The following LPAR3 variants were observed in gnomAD, a reference collection of about 807,000 sequenced individuals.
The protein encoded by LPAR3 is LPA receptor 3.
LPAR3 carries 7 observed loss-of-function variants against 17.8 expected under a neutral mutation model. That is an observed-to-expected ratio of 0.39 (90% confidence interval 0.22 to 0.74). The LOEUF is 0.74. Among genes scored for constraint, LPAR3 ranks in the 30% least tolerant of loss-of-function variants. LPAR3 has a pLI of 0.40. For missense variants in LPAR3, 391 were observed against 453.4 expected, an observed-to-expected ratio of 0.86 and a Z score of 1.25; for synonymous variants, 179 against 179.9, an observed-to-expected ratio of 0.99 and a Z score of 0.04.
chr1:84,843,761 T>C (rs1659550352), intron 2 of LPAR3, among the ~76,000 whole-genome samples: 1 of 152,248 alleles, frequency 6.6e-6, no homozygotes, highest in African/African-American at 2.4e-5. Context: ...TCCTCTCCGG[T>C]AAATCAAAAG....
intron 2 of LPAR3, among the ~76,000 whole-genome samples, chr1:84,855,346 C>A (rs1659796874): frequency 6.6e-6 from 1 of 152,138 alleles, no homozygotes; most frequent in Non-Finnish European, 1.5e-5. Flanking sequence ...CAGACGATGA[C>A]CACATTTCTC....
At chr1:84,827,221 C>CA (rs1428091336) in intron 2 of LPAR3, among the ~76,000 whole-genome samples, 1 of 152,064 alleles carries the variant, frequency 6.6e-6, no homozygotes, top group East Asian at 1.9e-4. Flanking sequence ...TATTAAATCA[C>CA]AAAAAGCACA....
chr1:84,850,393 C>CAAAAAA (rs561506398), intron 2 of LPAR3, among the ~76,000 whole-genome samples: 819 of 33,518 alleles, frequency 0.024, no homozygotes, highest in Middle Eastern at 0.066. Context: ...TCTGTCTCTA[C>CAAAAAA]AAAAAAAAAA....
At chr1:84,816,902 C>T (rs2102743440) in intron 2 of LPAR3, among the ~76,000 whole-genome samples, 1 of 152,314 alleles carries the variant, frequency 6.6e-6, no homozygotes, top group South Asian at 2.1e-4. Flanking sequence ...TTTGTGTGAT[C>T]CTCTGCAATA....
chr1:84,872,125 T>C (rs1002761333), intron 1 of LPAR3, among the ~76,000 whole-genome samples: 2 of 152,226 alleles, frequency 1.3e-5, no homozygotes, highest in Non-Finnish European at 2.9e-5. Flanking sequence ...ACGTATGTTG[T>C]TATGGTGCCT....
intron 2 of LPAR3, among the ~76,000 whole-genome samples, chr1:84,834,638 T>G (rs1165276229): frequency 1.3e-5 from 2 of 152,228 alleles, no homozygotes; most frequent in African/African-American, 4.8e-5. Context: ...TCATAACACA[T>G]ACCCATGTAA....
At chr1:84,840,086 CTTAT>C (rs769547754) in intron 2 of LPAR3, among the ~76,000 whole-genome samples, 8 of 151,786 alleles carry the variant, frequency 5.3e-5, no homozygotes, top group Non-Finnish European at 8.8e-5. Context: ...CCACACCTGG[CTTAT>C]TTATTTATTT....
At chr1:84,838,645 T>G (rs2102753387) in intron 2 of LPAR3, among the ~76,000 whole-genome samples, 1 of 152,326 alleles carries the variant, frequency 6.6e-6, no homozygotes, top group East Asian at 1.9e-4. Context: ...ATGGCCTTCT[T>G]GCCTCCAGTC....
At chr1:84,862,315 C>T (rs1479101100) in intron 2 of LPAR3, among the ~76,000 whole-genome samples, 1 of 152,206 alleles carries the variant, frequency 6.6e-6, no homozygotes, top group Non-Finnish European at 1.5e-5. Flanking sequence ...GGTGTCAAAG[C>T]AGAAGACAGG....
intron 2 of LPAR3, among the ~76,000 whole-genome samples, chr1:84,850,412 A>AAAAAAAAAG (rs1553148195): frequency 2.3e-4 from 35 of 149,702 alleles, no homozygotes; most frequent in Middle Eastern, 3.5e-3. Context: ...AAAAAAAAAA[A>AAAAAAAAAG]AAAAAGAAAA....
rs760726942 is a variant in LPAR3 at position 84,862,367 on chromosome 1, G to A, written c.736+3018C>T. ...AAAAAGTCCAGATAAATCACAAGTA[G>A]CCACAGAGTATGGTGGTAAATATGT... On this transcript the variant is annotated intron_variant, in intron 2 of 2. Coordinates refer to ENST00000370611, the MANE Select transcript of LPAR3 (RefSeq NM_012152.3). Among the ~76,000 whole-genome samples the A allele has an allele frequency of 4.2e-4, 64 of 152,344 alleles. 1 individual carries two copies. Among genetic ancestry groups the A allele is most frequent in the Non-Finnish European group, 6.5e-4 (44 of 68,036 alleles).
chr1:84,848,537 A>G (rs1428721461), intron 2 of LPAR3, among the ~76,000 whole-genome samples: 1 of 152,242 alleles, frequency 6.6e-6, no homozygotes, highest in Non-Finnish European at 1.5e-5. Flanking sequence ...AAGTTGCCTT[A>G]GACCAGAGAC....
At chr1:84,860,065 C>CT (rs1380096741) in intron 2 of LPAR3, among the ~76,000 whole-genome samples, 7 of 142,088 alleles carry the variant, frequency 4.9e-5, no homozygotes, top group Non-Finnish European at 1.1e-4. Flanking sequence ...CAATAAGCAA[C>CT]TTTTTTCACA....
chr1:84,852,354 C>T (rs1659735841), intron 2 of LPAR3, among the ~76,000 whole-genome samples: 1 of 152,138 alleles, frequency 6.6e-6, no homozygotes, highest in Non-Finnish European at 1.5e-5. Flanking sequence ...GCTGGGATTA[C>T]AGGCATGAGC....
intron 2 of LPAR3, among the ~76,000 whole-genome samples, chr1:84,826,210 T>G (rs1174257129): frequency 6.6e-6 from 1 of 151,422 alleles, no homozygotes; most frequent in Non-Finnish European, 1.5e-5. Context: ...CAGCTATATC[T>G]TAAAAAAAGA....
At chr1:84,816,399 T>C (rs374200361) in intron 2 of LPAR3, among the ~76,000 whole-genome samples, 14 of 152,294 alleles carry the variant, frequency 9.2e-5, no homozygotes, top group East Asian at 7.7e-4. Flanking sequence ...CTTTCATTCA[T>C]AGGAAAAAGG....
At chr1:84,874,369 G>C (rs940090776) in intron 1 of LPAR3, among the ~76,000 whole-genome samples, 1 of 152,170 alleles carries the variant, frequency 6.6e-6, no homozygotes, top group Non-Finnish European at 1.5e-5. Context: ...TGGCACGTCA[G>C]GGGGCTCACC....
At chr1:84,877,041 C>T (rs1660273098) in intron 1 of LPAR3, among the ~76,000 whole-genome samples, 2 of 152,168 alleles carry the variant, frequency 1.3e-5, no homozygotes, top group Admixed American at 6.5e-5. Flanking sequence ...AGAATCAGTT[C>T]CAACTCTAAC....
At position 84,845,931 on chromosome 1, in the gene LPAR3, C is replaced by T. The variant is rs529702306; in HGVS notation, c.736+19454G>A. ...ATACAAACAAGGTACACAAACACAG[C>T]GACAGGACACGTTCCACCAATTCCA... On this transcript the variant is annotated intron_variant, in intron 2 of 2. Coordinates refer to ENST00000370611, the MANE Select transcript of LPAR3 (RefSeq NM_012152.3). 4.6e-5 allele frequency among the ~76,000 whole-genome samples: 7 copies of T among 152,182 alleles called. No homozygotes were observed. In the South Asian group the frequency reaches 8.3e-4, roughly 18 times the overall value.
Sources: gnomAD v4.1 joint callset for allele counts (sites outside exome capture counted in the v4.1 genomes callset) on GRCh38, gnomAD v4.1.1 for gene constraint, MANE v1.5 for transcripts, NCBI Gene and HGNC (gene_info 2026-07-23, HGNC 2026-07-21) for gene names.